Variants in FGF14 observed in about 807,000 individuals in gnomAD.
FGF14 encodes the protein fibroblast growth factor homologous factor 4.
FGF14 carries 5 observed loss-of-function variants against 25.5 expected under a neutral mutation model. The ratio of observed to expected loss-of-function variants is 0.20; its 90% confidence interval spans 0.10 to 0.41. The LOEUF (loss-of-function observed/expected upper bound fraction) is 0.41, where lower values mean the gene tolerates loss of function less well. FGF14 is among the 10% of genes least tolerant of loss of function. The probability of loss-of-function intolerance (pLI) is 1.00; values close to 1 mark genes in which losing one functional copy is unlikely to be tolerated. For synonymous variants in FGF14, 138 were observed against 118.3 expected, an observed-to-expected ratio of 1.17 and a Z score of -1.08; for missense variants, 222 against 320.1, an observed-to-expected ratio of 0.69 and a Z score of 2.34.
chr13:101,918,558 T>C (rs1436346131), upstream of FGF14, among the ~76,000 whole-genome samples: 3 of 152,194 alleles, frequency 2.0e-5, no homozygotes, highest in Non-Finnish European at 4.4e-5. Flanking sequence ...AAACACACTT[T>C]CTCTTTGTCT....
chr13:102,027,224 CACAG>C (rs1326595620), intron 1 of FGF14, among the ~76,000 whole-genome samples: 1 of 151,588 alleles, frequency 6.6e-6, no homozygotes, highest in African/African-American at 2.4e-5. Context: ...CACACATACA[CACAG>C]ACACACACAT....
intron 1 of FGF14, among the ~76,000 whole-genome samples, chr13:101,991,150 T>C (rs1043441299): frequency 2.0e-5 from 3 of 152,148 alleles, no homozygotes; most frequent in Admixed American, 2.0e-4. Flanking sequence ...AATATGATCT[T>C]ATTGAGATAT....
chr13:102,300,120 GAA>G (rs1018993895), intron 1 of FGF14: 1 of 152,092 alleles, frequency 6.6e-6, no homozygotes, highest in Non-Finnish European at 1.5e-5. Context: ...GCCGTGTGAA[GAA>G]AATACAAACC....
At chr13:102,158,626 A>T (rs941096056) in intron 1 of FGF14, among the ~76,000 whole-genome samples, 12 of 152,092 alleles carry the variant, frequency 7.9e-5, no homozygotes, top group Non-Finnish European at 1.6e-4. Context: ...CATACGTAAC[A>T]GACCTGCACA....
chr13:101,734,020 C>CTGTGTGTGTGTGTGCA (rs1158194606), intron 3 of FGF14, among the ~76,000 whole-genome samples: 3 of 150,116 alleles, frequency 2.0e-5, no homozygotes, highest in African/African-American at 4.9e-5. Context: ...AAGGAGATGT[C>CTGTGTGTGTGTGTGCA]TGTGTGTGTG....
chr13:101,905,296 C>T (rs576838774), intron 1 of FGF14, among the ~76,000 whole-genome samples: 4 of 152,212 alleles, frequency 2.6e-5, no homozygotes, highest in African/African-American at 7.2e-5. Context: ...AGACTTGGAA[C>T]CTACCCAAAT....
chr13:102,002,129 C>G (rs1338486513), intron 1 of FGF14: 2 of 152,212 alleles, frequency 1.3e-5, no homozygotes, highest in Non-Finnish European at 2.9e-5. Flanking sequence ...GCCTGGGACC[C>G]TTGATCCCAC....
At chr13:102,268,272 T>C (rs2053086340) in intron 1 of FGF14, among the ~76,000 whole-genome samples, 1 of 152,082 alleles carries the variant, frequency 6.6e-6, no homozygotes, top group Non-Finnish European at 1.5e-5. Flanking sequence ...AGTGAAATAG[T>C]TCATAATAAT....
chr13:102,290,696 T>G (rs1415050043), intron 1 of FGF14, among the ~76,000 whole-genome samples: 1 of 152,206 alleles, frequency 6.6e-6, no homozygotes, highest in East Asian at 1.9e-4. Context: ...GGCTGTGGTC[T>G]TCAGCTTTAT....
intron 1 of FGF14, among the ~76,000 whole-genome samples, chr13:102,392,264 C>T (rs577597656): frequency 1.3e-5 from 2 of 152,308 alleles, no homozygotes; most frequent in South Asian, 2.1e-4. Context: ...ACTTCCTTCT[C>T]TTTTCTTGCC....
intron 1 of FGF14, among the ~76,000 whole-genome samples, chr13:102,135,607 C>T (rs2046378650): frequency 6.6e-6 from 1 of 152,088 alleles, no homozygotes; most frequent in African/African-American, 2.4e-5. Flanking sequence ...TGGAAAACTG[C>T]CTGTAAACAG....
chr13:102,078,126 C>T (rs1234615987), intron 1 of FGF14, among the ~76,000 whole-genome samples: 1 of 151,928 alleles, frequency 6.6e-6, no homozygotes, highest in Non-Finnish European at 1.5e-5. Context: ...TAGTGGTTTC[C>T]AGGGGTACGG....
chr13:101,735,899 G>A (rs761475989), intron 3 of FGF14, among the ~76,000 whole-genome samples: 16 of 152,166 alleles, frequency 1.1e-4, no homozygotes, highest in Non-Finnish European at 1.9e-4. Flanking sequence ...ACTGCTTTAC[G>A]TGAAAGAAAT....
chr13:102,096,115 A>C (rs1454101787), intron 1 of FGF14, among the ~76,000 whole-genome samples: 1 of 151,922 alleles, frequency 6.6e-6, no homozygotes, highest in Non-Finnish European at 1.5e-5. Context: ...AGTATATCAA[A>C]GAAAAGTTAT....
intron 1 of FGF14, among the ~76,000 whole-genome samples, chr13:102,375,401 A>C (rs2058015792): frequency 6.6e-6 from 1 of 152,188 alleles, no homozygotes; most frequent in Non-Finnish European, 1.5e-5. Flanking sequence ...CAAATAATAA[A>C]ATGTTTTAAC....
intron 1 of FGF14, among the ~76,000 whole-genome samples, chr13:102,258,991 A>C (rs1189742963): frequency 1.3e-5 from 2 of 152,180 alleles, no homozygotes; most frequent in African/African-American, 4.8e-5. Flanking sequence ...TTTTCTAGAG[A>C]AAAAATTAAT....
At chr13:101,940,703 C>T (rs2035393205) in intron 1 of FGF14, among the ~76,000 whole-genome samples, 1 of 152,184 alleles carries the variant, frequency 6.6e-6, no homozygotes, top group African/African-American at 2.4e-5. Context: ...CTTTTGTCAG[C>T]ATATCTCATT....
chr13:101,892,083 T>C (rs1271659346), intron 1 of FGF14, among the ~76,000 whole-genome samples: 1 of 152,172 alleles, frequency 6.6e-6, no homozygotes, highest in Non-Finnish European at 1.5e-5. Context: ...CAATAGCTAA[T>C]TTTCAAGATG....
chr13:101,894,194 G>A (rs879924079), intron 1 of FGF14, among the ~76,000 whole-genome samples: 1 of 152,060 alleles, frequency 6.6e-6, no homozygotes, highest in Non-Finnish European at 1.5e-5. Flanking sequence ...AGATTGGATT[G>A]TATCTACATT....
Sources: allele counts gnomAD v4.1 joint callset (sites outside exome capture counted in the v4.1 genomes callset), GRCh38; gene constraint gnomAD v4.1.1; transcripts MANE v1.5; gene names NCBI Gene and HGNC (gene_info 2026-07-23, HGNC 2026-07-21).